The following SHISA9 variants were observed in gnomAD, a reference collection of about 807,000 sequenced individuals.
SHISA9 encodes shisa family member 9, also known as protein shisa-9.
SHISA9 carries 13 observed loss-of-function variants against 38.0 expected under a neutral mutation model. The ratio of observed to expected loss-of-function variants is 0.34; its 90% confidence interval spans 0.22 to 0.54. The LOEUF is 0.54. Among genes scored for constraint, SHISA9 ranks in the 20% least tolerant of loss-of-function variants. SHISA9 has a pLI of 0.91. For missense variants in SHISA9, 538 were observed against 575.8 expected (o/e 0.93, Z 0.67); for synonymous variants, 275 against 242.0 (o/e 1.14, Z -1.27).
At chr16:13,502,241 G>C in the SHISA9 span, among the ~76,000 whole-genome samples, 1 of 151,902 alleles carries the variant, frequency 6.6e-6, no homozygotes, top group South Asian at 2.1e-4. Flanking sequence ...AAAAAGAAAG[G>C]AATCAAGATG....
chr16:12,932,133 C>T (rs2071469825), intron 2 of SHISA9, among the ~76,000 whole-genome samples: 2 of 152,144 alleles, frequency 1.3e-5, no homozygotes, highest in African/African-American at 2.4e-5. Flanking sequence ...TGAGGCTTCC[C>T]CAGCCATGTG....
At chr16:13,536,838 C>T in the SHISA9 span, among the ~76,000 whole-genome samples, 32 of 152,162 alleles carry the variant, frequency 2.1e-4, no homozygotes, top group East Asian at 2.9e-3. Context: ...TTTCTGGGGT[C>T]GTTGAGAAGT....
At chr16:13,305,580 A>G in the SHISA9 span, among the ~76,000 whole-genome samples, 1 of 152,290 alleles carries the variant, frequency 6.6e-6, no homozygotes, top group Admixed American at 6.5e-5. Flanking sequence ...CTGGTGGGGA[A>G]GTCCATGTGG....
At chr16:13,240,953 G>A (rs1295292725), downstream of SHISA9, among the ~76,000 whole-genome samples, 2 of 151,324 alleles carry the variant, frequency 1.3e-5, no homozygotes, top group African/African-American at 4.9e-5. Flanking sequence ...GAGGGGGTGG[G>A]AGGTTCAATA....
intron 2 of SHISA9, among the ~76,000 whole-genome samples, chr16:13,020,816 C>G (rs1179029563): frequency 6.6e-6 from 1 of 152,190 alleles, no homozygotes; most frequent in Non-Finnish European, 1.5e-5. Context: ...GTTTGTAGTT[C>G]TAATTGTCAT....
chr16:13,123,277 G>T (rs140597205), intron 2 of SHISA9, among the ~76,000 whole-genome samples: 1 of 152,362 alleles, frequency 6.6e-6, no homozygotes, highest in African/African-American at 2.4e-5. Context: ...AGCGGGGCAG[G>T]CAGGAAGAGA....
At chr16:13,000,056 A>G (rs992003745) in intron 2 of SHISA9, among the ~76,000 whole-genome samples, 3 of 152,178 alleles carry the variant, frequency 2.0e-5, no homozygotes, top group African/African-American at 7.2e-5. Flanking sequence ...ATATTTCTCT[A>G]TCACTATAAG....
At chr16:13,227,110 T>C (rs539614897) in intron 4 of SHISA9, among the ~76,000 whole-genome samples, 5 of 152,350 alleles carry the variant, frequency 3.3e-5, no homozygotes, top group South Asian at 2.1e-4. Context: ...GCCTCTCTAG[T>C]AGAATGTTTA....
the SHISA9 span, among the ~76,000 whole-genome samples, chr16:13,497,685 CAAAA>C: frequency 1.9e-5 from 2 of 106,364 alleles, no homozygotes; most frequent in Non-Finnish European, 1.9e-5. Flanking sequence ...ACTCCGTCTC[CAAAA>C]AAAAAAAAAA....
At chr16:13,031,427 G>A (rs978044562) in intron 2 of SHISA9, among the ~76,000 whole-genome samples, 1 of 152,196 alleles carries the variant, frequency 6.6e-6, no homozygotes, top group Non-Finnish European at 1.5e-5. Context: ...GATGCCTGAG[G>A]TAGAGTGGCC....
intron 2 of SHISA9, among the ~76,000 whole-genome samples, chr16:12,946,973 G>A (rs1002356651): frequency 1.1e-4 from 17 of 152,356 alleles, no homozygotes; most frequent in South Asian, 4.1e-4. Flanking sequence ...GAGTTGAGTC[G>A]TTGTGACAGT....
downstream of SHISA9, among the ~76,000 whole-genome samples, chr16:13,241,420 C>T (rs928923055): frequency 6.6e-5 from 10 of 152,098 alleles, no homozygotes; most frequent in African/African-American, 1.4e-4. Context: ...GCAGGAGAAT[C>T]GCTTTAACTT....
intron 2 of SHISA9, among the ~76,000 whole-genome samples, chr16:12,992,662 C>A (rs2072403299): frequency 6.6e-6 from 1 of 152,168 alleles, no homozygotes; most frequent in Non-Finnish European, 1.5e-5. Flanking sequence ...TTCTTTCAGC[C>A]ACAACAAAAG....
In SHISA9 at chr16:13,236,444, A is replaced by T. The variant is rs2051385366; in HGVS notation, c.*1035A>T. On this transcript the variant is annotated 3_prime_UTR_variant, in exon 5 of 5. Transcript: ENST00000558583. ...CCTCCAAGACCTGAAACAGCCACAG[A>T]AACAAGTCCTCTATAAACTGTATGT... 6.6e-6 allele frequency: 1 copy of T among 152,158 alleles called. No homozygotes were observed. The highest frequency in any genetic ancestry group is 2.4e-5 in the African/African-American group (1 of 41,432). The allele number at this position is 152,158 out of a possible 1,614,324, so 9.4% of individuals were successfully genotyped here.
intron 2 of SHISA9, among the ~76,000 whole-genome samples, chr16:13,034,903 C>G (rs925274722): frequency 6.6e-6 from 1 of 152,158 alleles, no homozygotes; most frequent in Non-Finnish European, 1.5e-5. Flanking sequence ...CAGTACTAGA[C>G]ATGTGAATGA....
At chr16:13,291,208 C>G in the SHISA9 span, among the ~76,000 whole-genome samples, 1 of 152,132 alleles carries the variant, frequency 6.6e-6, no homozygotes, top group African/African-American at 2.4e-5. Flanking sequence ...GCAGACACCG[C>G]AAGACCCTTT....
At chr16:13,172,669 G>A (rs1052049865) in intron 2 of SHISA9, among the ~76,000 whole-genome samples, 2 of 151,652 alleles carry the variant, frequency 1.3e-5, no homozygotes, top group South Asian at 2.1e-4. Flanking sequence ...GCCTGGTTTC[G>A]CGTCTGTTTA....
intron 3 of SHISA9, among the ~76,000 whole-genome samples, chr16:13,211,242 G>A (rs918751069): frequency 6.6e-6 from 1 of 151,744 alleles, no homozygotes; most frequent in African/African-American, 2.4e-5. Flanking sequence ...GGGGGTGGAG[G>A]TTCCAGTGAG....
chr16:13,063,991 G>C (rs1435683590), intron 2 of SHISA9, among the ~76,000 whole-genome samples: 1 of 152,202 alleles, frequency 6.6e-6, no homozygotes, highest in Non-Finnish European at 1.5e-5. Context: ...AGCAGGCTTT[G>C]TGTTGGCACC....
Sources: gnomAD v4.1 joint callset for allele counts (sites outside exome capture counted in the v4.1 genomes callset) on GRCh38, gnomAD v4.1.1 for gene constraint, MANE v1.5 for transcripts, NCBI Gene and HGNC (gene_info 2026-07-23, HGNC 2026-07-21) for gene names.